Variants in MPHOSPH9 observed in about 807,000 individuals in gnomAD.
MPHOSPH9 encodes M-phase phosphoprotein 9.
In MPHOSPH9, 88 loss-of-function variants were observed where a neutral mutation model predicts 145.5. That is an observed-to-expected ratio of 0.60 (90% confidence interval 0.51 to 0.72). The LOEUF (loss-of-function observed/expected upper bound fraction) is 0.72, where lower values mean the gene tolerates loss of function less well. Ranked by LOEUF, MPHOSPH9 falls within the 30% of genes least tolerant of loss-of-function variation. The pLI is 0.00. For synonymous variants in MPHOSPH9, 435 were observed against 486.2 expected, an observed-to-expected ratio of 0.89 and a Z score of 1.39; for missense variants, 1,238 against 1,386.6, an observed-to-expected ratio of 0.89 and a Z score of 1.70.
At chr12:123,218,550 G>A (rs2047067270) in intron 5 of MPHOSPH9, 51 bp from the exon 6 acceptor site, 1 of 1,566,416 alleles carries the variant, frequency 6.4e-7, no homozygotes, top group African/African-American at 1.4e-5. Flanking sequence ...TTTTGAGACA[G>A]AGTCTTGCTG....
At chr12:123,158,614 A>G (rs2043968876) in intron 23 of MPHOSPH9, among the ~76,000 whole-genome samples, 5 of 152,062 alleles carry the variant, frequency 3.3e-5, no homozygotes, top group Admixed American at 3.3e-4. Flanking sequence ...GAAACCTAAG[A>G]AGAGAATCAA....
In MPHOSPH9 at chr12:123,159,470, GT is replaced by G. The variant is rs962164390; in HGVS notation, c.3450+1310del. 2.0e-5 allele frequency among the ~76,000 whole-genome samples: 3 copies of G among 151,416 alleles called. No individual in the cohort carries two copies. Among genetic ancestry groups the G allele is most frequent in the Non-Finnish European group, 2.9e-5 (2 of 67,810 alleles). The stretch of plus-strand genomic sequence containing the variant: ...AAGCCATTGCGCCTGGCCATGGCAG[GT>G]TTTTTTTTGTTTTTTTTGTTGTTGT... On this transcript the variant is annotated intron_variant, in intron 23 of 23. Transcript: ENST00000606320. The surrounding 1 kb of genome is among the most constrained non-coding windows in gnomAD (Gnocchi z 4.3).
At chr12:123,214,641 T>C in intron 7 of MPHOSPH9, 103 bp downstream of exon 7, 1 of 832,124 alleles carries the variant, frequency 1.2e-6, no homozygotes, top group Non-Finnish European at 1.9e-6. Context: ...TATGGAGAAA[T>C]GTAGGCAAGT....
At chr12:123,218,290 G>A in intron 6 of MPHOSPH9, 86 bp downstream of exon 6, 1 of 1,518,078 alleles carries the variant, frequency 6.6e-7, no homozygotes, top group Non-Finnish European at 8.9e-7. Flanking sequence ...CAAAAGAAAG[G>A]GCACAAGAGT....
chr12:123,212,448 G>C (rs2046769154), intron 7 of MPHOSPH9, among the ~76,000 whole-genome samples: 1 of 152,102 alleles, frequency 6.6e-6, no homozygotes, highest in Non-Finnish European at 1.5e-5. Flanking sequence ...CCAGCACTTT[G>C]GGAGGCTGAG....
chr12:123,205,533 G>A (rs781310609), intron 8 of MPHOSPH9, among the ~76,000 whole-genome samples: 1 of 151,834 alleles, frequency 6.6e-6, no homozygotes, highest in African/African-American at 2.4e-5. Context: ...GAAACAGAGC[G>A]AGACTCTGCC....
At chr12:123,199,143 CCA>C (rs2046104666) in intron 11 of MPHOSPH9, among the ~76,000 whole-genome samples, 1 of 152,024 alleles carries the variant, frequency 6.6e-6, no homozygotes, top group East Asian at 1.9e-4. Flanking sequence ...GTATGCACCA[CCA>C]CACACAGCTA....
At chr12:123,233,148 CG>C (rs2047748245), upstream of MPHOSPH9, 2 of 152,094 alleles carry the variant, frequency 1.3e-5, no homozygotes, top group African/African-American at 2.4e-5. Flanking sequence ...AGGGAGCGCG[CG>C]CGCGCCCGGC....
rs2043872837 is a variant in MPHOSPH9, at chr12:123,156,559, T to C, written c.*248A>G. 1 of 296,438 alleles carries C rather than the reference T, an allele frequency of 3.4e-6. No homozygotes were observed. The highest frequency in any genetic ancestry group is 6.2e-6 in the Non-Finnish European group (1 of 160,856). The allele number at this position is 296,438 out of a possible 1,614,324, so 18.4% of individuals were successfully genotyped here. A position where few individuals can be genotyped will look rare whatever the true frequency, so the allele number is the denominator to read the frequency against. Reference sequence around the variant, plus strand: ...ATATTTCCTTATTCTTGATATAAATTGGAGACAGATACTATTTAAAAATAA... The same window carrying C: ...ATATTTCCTTATTCTTGATATAAATCGGAGACAGATACTATTTAAAAATAA... On this transcript the variant is annotated 3_prime_UTR_variant, in exon 24 of 24. Transcript: ENST00000606320.
At chr12:123,171,041 G>C (rs904954040) in intron 16 of MPHOSPH9, among the ~76,000 whole-genome samples, 3 of 152,124 alleles carry the variant, frequency 2.0e-5, no homozygotes, top group Non-Finnish European at 4.4e-5. Flanking sequence ...TGCGCTGCTT[G>C]TTATATTCTT....
rs867911198 is a variant in MPHOSPH9, at chr12:123,197,831, C to T, written c.2025+416G>A. Reference sequence around the variant, plus strand: ...GGGTGCAGTGGCTCACGCCTGTAATCCCAGCACTTTGGGAGGCCGAGGCAG... The same window carrying T: ...GGGTGCAGTGGCTCACGCCTGTAATTCCAGCACTTTGGGAGGCCGAGGCAG... On this transcript the variant is annotated intron_variant, in intron 12 of 23. Coordinates refer to ENST00000606320, the MANE Select transcript of MPHOSPH9 (RefSeq NM_022782.4). Among the ~76,000 whole-genome samples, 34 of 146,246 alleles carry T rather than the reference C, an allele frequency of 2.3e-4. 1 individual carries two copies. Among genetic ancestry groups the T allele is most frequent in the Non-Finnish European group, 7.5e-5 (5 of 67,002 alleles).
intron 8 of MPHOSPH9, among the ~76,000 whole-genome samples, chr12:123,206,606 A>C (rs990930394): frequency 3.3e-5 from 5 of 151,934 alleles, no homozygotes; most frequent in African/African-American, 1.2e-4. Context: ...TTTCCTTTTT[A>C]AAGTATGCAT....
intron 1 of MPHOSPH9, among the ~76,000 whole-genome samples, chr12:123,243,349 C>G: frequency 6.6e-6 from 1 of 151,792 alleles, no homozygotes; most frequent in Admixed American, 6.6e-5. Context: ...GCTAACATGG[C>G]AAAACCCCGT....
chr12:123,156,904 G>C lies in MPHOSPH9; in HGVS notation c.3455C>G (p.Ala1152Gly), dbSNP rs780483050. The change falls in exon 24 of 24, where the codon GCC becomes GGC. Residue 1152 changes from alanine (A) to glycine (G), a missense_variant. Around this residue, in one of 3 missense-constraint regions of MPHOSPH9, gnomAD observed 393 missense variants for 462.5 expected, o/e 0.85. Transcript: ENST00000606320. ...AATCCTTTCCAAACGATCTTCCAAG[G>C]CTTCCTAGGTGAAAACAATGGGAAA... ...ITLQTRLNQEALEDRLERINR... is the reference protein window; with the variant it reads ...ITLQTRLNQEGLEDRLERINR... The C allele has an allele frequency of 1.0e-5, 16 of 1,599,824 alleles. No homozygotes were observed. Among genetic ancestry groups the C allele is most frequent in the South Asian group, 3.4e-5 (3 of 89,548 alleles).
intron 16 of MPHOSPH9, among the ~76,000 whole-genome samples, chr12:123,174,619 A>G (rs887912268): frequency 4.0e-5 from 6 of 151,864 alleles, no homozygotes; most frequent in African/African-American, 1.5e-4. Context: ...TGATCCGCCC[A>G]TCTCGGCCTC....
At chr12:123,214,892 C>T in intron 6 of MPHOSPH9, 58 bp from the exon 7 acceptor site, 1 of 1,401,260 alleles carries the variant, frequency 7.1e-7, no homozygotes, top group Non-Finnish European at 1.0e-6. Flanking sequence ...AATCTGCTGA[C>T]CCAAGAAATG....
chr12:123,162,091 C>A (rs999623625), intron 21 of MPHOSPH9, 24 bp downstream of exon 21: 1 of 1,389,726 alleles, frequency 7.2e-7, no homozygotes, highest in East Asian at 2.3e-5. Context: ...AAAACCATAA[C>A]TAATATTTTT....
intron 1 of MPHOSPH9, among the ~76,000 whole-genome samples, chr12:123,232,517 G>A (rs1208837217): frequency 2.0e-5 from 3 of 152,184 alleles, no homozygotes; most frequent in African/African-American, 7.2e-5. Context: ...TGATGGTTAT[G>A]AAACATGAAA....
intron 13 of MPHOSPH9, among the ~76,000 whole-genome samples, chr12:123,192,875 C>T (rs1284759946): frequency 6.6e-6 from 1 of 151,026 alleles, no homozygotes; most frequent in Admixed American, 6.6e-5. Context: ...GTCAAGAAAT[C>T]GAGACCAGCC....
Sources: allele counts gnomAD v4.1 joint callset (sites outside exome capture counted in the v4.1 genomes callset), GRCh38; gene constraint gnomAD v4.1.1; regional missense constraint gnomAD v4.1.1; non-coding constraint Gnocchi (gnomAD v3.1); transcripts MANE v1.5; gene names NCBI Gene and HGNC (gene_info 2026-07-23, HGNC 2026-07-21).